The following CORO2B variants were observed in gnomAD, a reference collection of about 807,000 sequenced individuals.
CORO2B encodes the protein coronin-2B.
In CORO2B, 26 loss-of-function variants were observed where a neutral mutation model predicts 58.8. The observed-to-expected ratio is 0.44, with a 90% CI of 0.32 to 0.61. The LOEUF is 0.61. Among genes scored for constraint, CORO2B ranks in the 20% least tolerant of loss-of-function variants. The probability of loss-of-function intolerance (pLI) is 0.04; values close to 1 mark genes in which losing one functional copy is unlikely to be tolerated. For missense variants in CORO2B, 460 were observed against 645.1 expected, an observed-to-expected ratio of 0.71 and a Z score of 3.11; for synonymous variants, 242 against 253.8, an observed-to-expected ratio of 0.95 and a Z score of 0.44.
chr15:68,547,974 C>T, the CORO2B span, among the ~76,000 whole-genome samples: 1 of 152,004 alleles, frequency 6.6e-6, no homozygotes, highest in South Asian at 2.1e-4. Flanking sequence ...AGTTCGAGAC[C>T]AACCTGGCCA....
At chr15:68,588,480 T>C (rs1034686544) in intron 1 of CORO2B, among the ~76,000 whole-genome samples, 1 of 152,190 alleles carries the variant, frequency 6.6e-6, no homozygotes, top group Non-Finnish European at 1.5e-5. Context: ...ATCTGTATTA[T>C]CCCGGCTCTC....
chr15:68,657,023 T>G (rs917935594), intron 2 of CORO2B, among the ~76,000 whole-genome samples: 2 of 152,182 alleles, frequency 1.3e-5, no homozygotes, highest in South Asian at 2.1e-4. Context: ...AATTCTGCCT[T>G]AATGTTATGA....
chr15:68,548,561 C>T, the CORO2B span, among the ~76,000 whole-genome samples: 9 of 152,118 alleles, frequency 5.9e-5, no homozygotes, highest in Non-Finnish European at 8.8e-5. Flanking sequence ...TCTCCCTGTG[C>T]GTACATATGA....
rs1244372095 is a variant in CORO2B at position 68,645,261 on chromosome 15, T to C, written c.117T>C (p.Asn39=). 16 of 1,614,066 alleles carry C rather than the reference T, an allele frequency of 9.9e-6. No individual in the cohort carries two copies. The highest frequency in any genetic ancestry group is 1.4e-5 in the Non-Finnish European group (16 of 1,179,994). The change falls in exon 2 of 12, where the codon AAT becomes AAC. Residue 39 remains asparagine, a synonymous_variant. Transcript: ENST00000261861. This position sits in a 1 kb window ranked among gnomAD's most constrained non-coding sequence, Gnocchi z 4.5. The part of the protein sequence containing the change: ...HCFDGIPITK[N]VHDNHFCAVN... ...TCGATGGGATCCCCATCACCAAGAA[T>C]GTGCACGACAACCACTTCTGTGCCG...
intron 1 of CORO2B, among the ~76,000 whole-genome samples, chr15:68,600,641 C>A (rs943896991): frequency 1.3e-5 from 2 of 152,222 alleles, no homozygotes; most frequent in African/African-American, 4.8e-5. Flanking sequence ...CCACTATGAC[C>A]ATGGGTGCCG....
At chr15:68,703,336 A>T (rs534738106) in intron 3 of CORO2B, among the ~76,000 whole-genome samples, 1 of 150,736 alleles carries the variant, frequency 6.6e-6, no homozygotes, top group South Asian at 2.1e-4. Context: ...TTTTTAGTAA[A>T]GACAGGGTTT....
chr15:68,571,311 C>T, the CORO2B span, among the ~76,000 whole-genome samples: 1 of 152,204 alleles, frequency 6.6e-6, no homozygotes. Flanking sequence ...ACATAGGGAA[C>T]TGCAGAGGCA....
intron 2 of CORO2B, among the ~76,000 whole-genome samples, chr15:68,664,788 G>C (rs1046517750): frequency 6.6e-6 from 1 of 152,132 alleles, no homozygotes; most frequent in East Asian, 1.9e-4. Flanking sequence ...AAATATCGTC[G>C]TATGCTTACA....
At chr15:68,675,827 C>G (rs565193271) in intron 2 of CORO2B, among the ~76,000 whole-genome samples, 2 of 152,104 alleles carry the variant, frequency 1.3e-5, no homozygotes, top group Non-Finnish European at 2.9e-5. Context: ...TCTCTGTACC[C>G]GGCACTGTGG....
chr15:68,594,540 C>T (rs1317136834), intron 1 of CORO2B, among the ~76,000 whole-genome samples: 1 of 152,150 alleles, frequency 6.6e-6, no homozygotes, highest in Admixed American at 6.5e-5. Context: ...TAGAGGAGCC[C>T]CGATTTCTGA....
At chr15:68,524,067 A>C in the CORO2B span, among the ~76,000 whole-genome samples, 1 of 152,110 alleles carries the variant, frequency 6.6e-6, no homozygotes, top group Non-Finnish European at 1.5e-5. Flanking sequence ...TTTTATAAAA[A>C]ATTAAAAAAT....
At chr15:68,582,215 G>A (rs1223307164) in intron 1 of CORO2B, among the ~76,000 whole-genome samples, 1 of 152,200 alleles carries the variant, frequency 6.6e-6, no homozygotes, top group Non-Finnish European at 1.5e-5. Flanking sequence ...ACAGAGCCCC[G>A]GAGAACTTCT....
rs760225918 is a variant in CORO2B, at chr15:68,710,826, T to C, written c.428T>C (p.Val143Ala). The change falls in exon 4 of 12, where the codon GTC becomes GCC. Residue 143 changes from valine (V) to alanine (A), a missense_variant. Physicochemically the swap from Val to Ala is moderately conservative, Grantham distance 64 (BLOSUM62 0). This residue lies in a region of CORO2B where 352 missense variants were observed against 543.0 expected (regional missense o/e 0.65). Coordinates refer to ENST00000261861, the MANE Select transcript of CORO2B (RefSeq NM_006091.5). This position sits in a 1 kb window ranked among gnomAD's most constrained non-coding sequence, Gnocchi z 4.1. ...GGGCACAGCCGGCGTGTGGGGCTGGTCGAGTGGCACCCCACCACCAACAAC... is the reference window on the plus strand; with the variant it reads ...GGGCACAGCCGGCGTGTGGGGCTGGCCGAGTGGCACCCCACCACCAACAAC... The part of the protein sequence containing the change: ...LHGHSRRVGL[V>A]EWHPTTNNIL... The C allele has an allele frequency of 8.1e-6, 13 of 1,611,066 alleles. No individual in the cohort carries two copies. The highest frequency in any genetic ancestry group is 1.3e-5 in the African/African-American group (1 of 74,862).
In CORO2B at chr15:68,726,065, C is replaced by G; in HGVS notation, c.*91C>G. ...CTTACCAGTGACCCCAGAGACAGAG[C>G]CAGGACAGGAGTGGGGGCCAGCCTG... On this transcript the variant is annotated 3_prime_UTR_variant, in exon 12 of 12. Transcript: ENST00000261861. 6.5e-7 allele frequency: 1 copy of G among 1,546,222 alleles called. No homozygotes were observed. Among genetic ancestry groups the G allele is most frequent in the Non-Finnish European group, 8.7e-7 (1 of 1,146,122 alleles).
intron 1 of CORO2B, among the ~76,000 whole-genome samples, chr15:68,604,004 A>G (rs1168008629): frequency 6.6e-6 from 1 of 152,188 alleles, no homozygotes; most frequent in Non-Finnish European, 1.5e-5. Context: ...GAGGTTCAGC[A>G]TAAGAGCCCA....
chr15:68,544,448 C>T, the CORO2B span, among the ~76,000 whole-genome samples: 2 of 152,176 alleles, frequency 1.3e-5, no homozygotes, highest in Admixed American at 1.3e-4. Flanking sequence ...CCTGCTTCAA[C>T]TAGGGGAGAA....
the CORO2B span, among the ~76,000 whole-genome samples, chr15:68,540,194 T>C: frequency 1.3e-5 from 2 of 152,250 alleles, no homozygotes; most frequent in Non-Finnish European, 1.5e-5. Flanking sequence ...CATCATACTT[T>C]GATCACCTGG....
At chr15:68,654,266 G>A (rs1901732700) in intron 2 of CORO2B, among the ~76,000 whole-genome samples, 1 of 152,238 alleles carries the variant, frequency 6.6e-6, no homozygotes, top group Admixed American at 6.5e-5. Flanking sequence ...GGTGTTCTCT[G>A]GATTTGGAGT....
At chr15:68,652,602 C>A (rs1901677231) in intron 2 of CORO2B, among the ~76,000 whole-genome samples, 1 of 152,234 alleles carries the variant, frequency 6.6e-6, no homozygotes, top group East Asian at 1.9e-4. Context: ...TCAGTCCCAG[C>A]TGTACACCGG....
Sources: allele counts gnomAD v4.1 joint callset (sites outside exome capture counted in the v4.1 genomes callset), GRCh38; gene constraint gnomAD v4.1.1; regional missense constraint gnomAD v4.1.1; non-coding constraint Gnocchi (gnomAD v3.1); transcripts MANE v1.5; gene names NCBI Gene and HGNC (gene_info 2026-07-23, HGNC 2026-07-21).